The following ZMYND11 variants were observed in gnomAD, a reference collection of about 807,000 sequenced individuals.
ZMYND11 encodes zinc finger MYND-type containing 11.
A neutral mutation model predicts 84.9 loss-of-function variants in ZMYND11; 9 were observed. The observed-to-expected ratio is 0.11, with a 90% confidence interval of 0.06 to 0.18. The LOEUF (loss-of-function observed/expected upper bound fraction) is 0.18, where lower values mean the gene tolerates loss of function less well. Ranked by LOEUF, ZMYND11 falls within the 10% of genes least tolerant of loss-of-function variation. The pLI is 1.00. For synonymous variants in ZMYND11, 250 were observed against 244.1 expected (o/e 1.02, Z -0.23); for missense variants, 409 against 761.0 (o/e 0.54, Z 5.44).
chr10:247,002 A>G, intron 11 of ZMYND11, 29 bp downstream of exon 11: 1 of 1,556,904 alleles, frequency 6.4e-7, no homozygotes, highest in East Asian at 2.3e-5. Context: ...GGAAGTGCCT[A>G]TTCATTATTA....
At chr10:197,005 C>G (rs1279520645) in intron 2 of ZMYND11, among the ~76,000 whole-genome samples, 6 of 149,616 alleles carry the variant, frequency 4.0e-5, no homozygotes, top group Admixed American at 6.7e-5. Flanking sequence ...TGTATCAATA[C>G]ATACGCATGG....
chr10:161,831 G>T (rs1842997695), intron 1 of ZMYND11, among the ~76,000 whole-genome samples: 1 of 152,160 alleles, frequency 6.6e-6, no homozygotes, highest in Non-Finnish European at 1.5e-5. Flanking sequence ...CTGGTCTGGT[G>T]TTCTATTCAG....
Position 195,537 on chromosome 10 carries a change from A to G in ZMYND11, c.117-14352A>G, listed in dbSNP as rs539573546. On this transcript the variant is annotated intron_variant, in intron 2 of 14. Coordinates refer to ENST00000381604, the MANE Select transcript of ZMYND11 (RefSeq NM_001370100.5). ...ACACATCAATATGGGTTAATTTCAGATACATAATATTAAGAAAGTAATCAA... is the reference window on the plus strand; with the variant it reads ...ACACATCAATATGGGTTAATTTCAGGTACATAATATTAAGAAAGTAATCAA... Among the ~76,000 whole-genome samples, 3 of 152,350 alleles carry G rather than the reference A, an allele frequency of 2.0e-5. No homozygotes were observed. The East Asian group carries it at 5.8e-4, about 29-fold the overall frequency.
At position 239,797 on chromosome 10, in the gene ZMYND11, GATTA is replaced by G. The variant is rs749674038; in HGVS notation, c.698-255_698-252del. Among the ~76,000 whole-genome samples the G allele has an allele frequency of 6.6e-5, 10 of 152,158 alleles. 1 individual carries two copies. Among genetic ancestry groups the G allele is most frequent in the Admixed American group, 1.3e-4 (2 of 15,276 alleles). ...CTGAGAGGTTTTTAATAAGCACTATGATTAATTCTGATCATTTCCCCACTAGTAC... is the reference window on the plus strand; with the variant it reads ...CTGAGAGGTTTTTAATAAGCACTATGATTCTGATCATTTCCCCACTAGTAC... On this transcript the variant is annotated intron_variant, in intron 7 of 14. Coordinates refer to ENST00000381604, the MANE Select transcript of ZMYND11 (RefSeq NM_001370100.5).
intron 7 of ZMYND11, 83 bp from the exon 8 acceptor site, chr10:239,973 G>A (rs755758102): frequency 7.5e-5 from 92 of 1,228,434 alleles, no homozygotes; most frequent in Non-Finnish European, 9.7e-5. Flanking sequence ...GTCTACTTTT[G>A]CAAACTGAAA....
At chr10:248,837 G>C in intron 13 of ZMYND11, 66 bp from the exon 14 acceptor site, 2 of 1,533,280 alleles carry the variant, frequency 1.3e-6, no homozygotes, top group Non-Finnish European at 1.8e-6. Flanking sequence ...TTAAGTTTCT[G>C]TTCCAGTGTA....
chr10:225,676 A>G (rs899340968), intron 4 of ZMYND11, among the ~76,000 whole-genome samples: 2 of 152,012 alleles, frequency 1.3e-5, no homozygotes, highest in African/African-American at 2.4e-5. Flanking sequence ...TCATTTTCAT[A>G]TATATAGTTC....
intron 2 of ZMYND11, among the ~76,000 whole-genome samples, chr10:204,146 T>TA (rs1943726049): frequency 6.6e-6 from 1 of 152,188 alleles, no homozygotes; most frequent in Non-Finnish European, 1.5e-5. Context: ...GATCTATCTA[T>TA]AATTTATAGA....
At chr10:152,123 A>G (rs1324077869) in intron 1 of ZMYND11, among the ~76,000 whole-genome samples, 1 of 152,234 alleles carries the variant, frequency 6.6e-6, no homozygotes, top group African/African-American at 2.4e-5. Flanking sequence ...GCCAAATTGT[A>G]AAGACCATCA....
chr10:170,621 G>A lies in ZMYND11; in HGVS notation c.-19-9373G>A, dbSNP rs1029861285. ...AGCAGTATAATGTTATTCGAAAGTG[G>A]ACTTGGGTTAATTGTAATGTATGTT... On this transcript the variant is annotated intron_variant, in intron 1 of 14. Transcript: ENST00000381604. Among the ~76,000 whole-genome samples the A allele has an allele frequency of 2.0e-5, 3 of 152,032 alleles. No homozygotes were observed. The East Asian group carries it at 5.8e-4, about 29-fold the overall frequency.
At chr10:155,877 A>G (rs1588501015) in intron 1 of ZMYND11, among the ~76,000 whole-genome samples, 2 of 152,208 alleles carry the variant, frequency 1.3e-5, no homozygotes, top group East Asian at 3.8e-4. Context: ...TTGGTGTACA[A>G]GAGACTTAAA....
intron 3 of ZMYND11, among the ~76,000 whole-genome samples, chr10:217,366 C>CA (rs1288558650): frequency 3.3e-5 from 5 of 151,896 alleles, no homozygotes; most frequent in Non-Finnish European, 7.4e-5. Flanking sequence ...ACTAAAAACA[C>CA]AAAAAAATTA....
intron 1 of ZMYND11, among the ~76,000 whole-genome samples, chr10:175,133 T>TATTGC (rs1846313479): frequency 6.6e-6 from 1 of 152,174 alleles, no homozygotes; most frequent in East Asian, 1.9e-4. Context: ...TGTAGGTTTG[T>TATTGC]TGATTTTTAA....
chr10:190,392 C>T (rs1036872956), intron 2 of ZMYND11, among the ~76,000 whole-genome samples: 1 of 152,158 alleles, frequency 6.6e-6, no homozygotes, highest in Admixed American at 6.5e-5. Flanking sequence ...TGCACACCCT[C>T]CTGCAACTCC....
intron 1 of ZMYND11, among the ~76,000 whole-genome samples, chr10:136,499 G>A (rs1836108027): frequency 6.6e-6 from 1 of 152,064 alleles, no homozygotes; most frequent in Non-Finnish European, 1.5e-5. Context: ...GTGTCGTACC[G>A]GCTATCATAC....
chr10:194,119 G>A (rs1941144597), intron 2 of ZMYND11, among the ~76,000 whole-genome samples: 5 of 152,090 alleles, frequency 3.3e-5, no homozygotes, highest in Admixed American at 3.3e-4. Flanking sequence ...CGAGTAGCTG[G>A]GACTACAAGT....
rs563721131 is a variant in ZMYND11, at chr10:211,225, A to T, written c.276+1177A>T. On this transcript the variant is annotated intron_variant, in intron 3 of 14. Transcript: ENST00000381604. ...AAGAAAAAAAAAAATCTATCTATAG[A>T]TATCTTTTTCTTAAAAAGAAAAAAA... Among the ~76,000 whole-genome samples the T allele has an allele frequency of 9.2e-5, 14 of 152,000 alleles. No individual in the cohort carries two copies. The South Asian group carries it at 2.9e-3, about 32-fold the overall frequency.
intron 2 of ZMYND11, among the ~76,000 whole-genome samples, chr10:189,295 A>G (rs1274816051): frequency 1.3e-5 from 2 of 152,164 alleles, no homozygotes; most frequent in African/African-American, 2.4e-5. Flanking sequence ...TTTTGAAAAC[A>G]CTTTCCAGGA....
At position 252,477 on chromosome 10, in the gene ZMYND11, C is replaced by G. The variant is rs768994205; in HGVS notation, c.*7C>G. 9.9e-6 allele frequency: 16 copies of G among 1,608,574 alleles called. No homozygotes were observed. Among genetic ancestry groups the G allele is most frequent in the Non-Finnish European group, 1.4e-5 (16 of 1,179,418 alleles). On this transcript the variant is annotated 3_prime_UTR_variant, in exon 15 of 15. Coordinates refer to ENST00000381604, the MANE Select transcript of ZMYND11 (RefSeq NM_001370100.5). This position sits in a 1 kb window ranked among gnomAD's most constrained non-coding sequence, Gnocchi z 4.6. ...CTGCCGCCGGAAAAGATGAAGCTGG[C>G]CCTTCCCGGAGTCACCCCGATGATT...
Sources: allele counts gnomAD v4.1 joint callset (sites outside exome capture counted in the v4.1 genomes callset), GRCh38; gene constraint gnomAD v4.1.1; non-coding constraint Gnocchi (gnomAD v3.1); transcripts MANE v1.5; gene names NCBI Gene and HGNC (gene_info 2026-07-23, HGNC 2026-07-21).